Variants in MAML2 observed in about 807,000 individuals in gnomAD.
MAML2 encodes mastermind like transcriptional coactivator 2, also known as mastermind-like protein 2.
Under a neutral mutation model 96.1 loss-of-function variants are expected in MAML2, and 22 were observed. The ratio of observed to expected loss-of-function variants is 0.23; its 90% CI spans 0.16 to 0.33. The LOEUF is 0.33. Ranked by LOEUF, MAML2 falls within the 10% of genes least tolerant of loss-of-function variation. The probability of loss-of-function intolerance (pLI) is 1.00; values close to 1 mark genes in which losing one functional copy is unlikely to be tolerated. For missense variants in MAML2, 1,367 were observed against 1,392.4 expected, an observed-to-expected ratio of 0.98 and a Z score of 0.29; for synonymous variants, 561 against 521.3, an observed-to-expected ratio of 1.08 and a Z score of -1.04.
chr11:96,069,981 G>A (rs771276393), intron 2 of MAML2, among the ~76,000 whole-genome samples: 3 of 151,492 alleles, frequency 2.0e-5, no homozygotes, highest in Non-Finnish European at 2.9e-5. Flanking sequence ...CCAAGATCAC[G>A]CCACTGTACT....
intron 2 of MAML2, among the ~76,000 whole-genome samples, chr11:96,065,791 C>T (rs896879070): frequency 2.6e-5 from 4 of 152,132 alleles, no homozygotes; most frequent in Non-Finnish European, 5.9e-5. Flanking sequence ...GGATTTGAAC[C>T]AGAGCCCATC....
At chr11:96,329,053 T>C (rs1231457629) in intron 1 of MAML2, among the ~76,000 whole-genome samples, 2 of 152,180 alleles carry the variant, frequency 1.3e-5, no homozygotes, top group Admixed American at 1.3e-4. Flanking sequence ...AGTTAGTTCT[T>C]TAGTAAGAGG....
intron 2 of MAML2, among the ~76,000 whole-genome samples, chr11:96,007,018 T>C (rs1399906348): frequency 6.6e-6 from 1 of 151,698 alleles, no homozygotes; most frequent in East Asian, 1.9e-4. Flanking sequence ...TTTTATTATT[T>C]TTTTAGACAG....
At chr11:96,184,846 G>A (rs1861548048) in intron 1 of MAML2, among the ~76,000 whole-genome samples, 2 of 151,984 alleles carry the variant, frequency 1.3e-5, no homozygotes, top group Admixed American at 6.6e-5. Flanking sequence ...GTGAGACCTC[G>A]GCCTCCCAAA....
In MAML2 at chr11:96,092,922, G is replaced by C; in HGVS notation, c.1109C>G (p.Pro370Arg). 1 of 1,607,942 alleles carries C rather than the reference G, an allele frequency of 6.2e-7. No individual in the cohort carries two copies. The highest frequency in any genetic ancestry group is 8.5e-7 in the Non-Finnish European group (1 of 1,176,684). The change falls in exon 2 of 5, where the codon CCG (proline) becomes CGG (arginine). Residue 370 changes from proline (P) to arginine (R), a missense_variant. By Grantham distance (103) the Pro-to-Arg change is moderately radical. Transcript: ENST00000524717. The surrounding 1 kb of genome is among the most constrained non-coding windows in gnomAD (Gnocchi z 4.1). ...EKIVIKSEYS[P>R]GLTQGPSGSP... ...GCCTGAGGGGCCCTGAGTCAAGCCC[G>C]GTGAGTATTCACTTTTGATCACTAT...
intron 1 of MAML2, among the ~76,000 whole-genome samples, chr11:96,119,939 T>C (rs1860306717): frequency 6.6e-6 from 1 of 151,518 alleles, no homozygotes; most frequent in Admixed American, 6.6e-5. Flanking sequence ...GACAAATATA[T>C]ATTTGCGAGA....
In MAML2 at chr11:96,341,237, C is replaced by G. The variant is rs563417071; in HGVS notation, c.513+146G>C. ...TGATGAGTAGGCGCATGAAACCACC[C>G]GAACACACCCAATGGCCTTTAAGGT... On this transcript the variant is annotated intron_variant, in intron 1 of 4. Coordinates refer to ENST00000524717, the MANE Select transcript of MAML2 (RefSeq NM_032427.4). 655 of 910,546 alleles carry G rather than the reference C, an allele frequency of 7.2e-4. 9 individuals are homozygous for G. In the South Asian group the frequency reaches 0.011, roughly 16 times the overall value. The allele number at this position is 910,546 out of a possible 1,614,324, so 56.4% of individuals were successfully genotyped here.
chr11:96,158,188 A>C (rs959504979), intron 1 of MAML2, among the ~76,000 whole-genome samples: 1 of 152,242 alleles, frequency 6.6e-6, no homozygotes, highest in Non-Finnish European at 1.5e-5. Context: ...CAAGAGTCCT[A>C]TACACTCCAA....
At chr11:96,231,421 A>T (rs144203932) in intron 1 of MAML2, among the ~76,000 whole-genome samples, 1 of 152,200 alleles carries the variant, frequency 6.6e-6, no homozygotes, top group South Asian at 2.1e-4. Flanking sequence ...AGCCTACGCC[A>T]TTAAGGATTT....
chr11:96,219,181 T>C (rs1416644850), intron 1 of MAML2, among the ~76,000 whole-genome samples: 1 of 152,232 alleles, frequency 6.6e-6, no homozygotes, highest in Non-Finnish European at 1.5e-5. Flanking sequence ...CTTCACATAC[T>C]GGGCACTCAA....
At chr11:96,135,833 A>C in intron 1 of MAML2, among the ~76,000 whole-genome samples, 1 of 149,172 alleles carries the variant, frequency 6.7e-6, no homozygotes, top group Non-Finnish European at 1.5e-5. Context: ...ACTACACTCC[A>C]GCCTGGGCAA....
intron 1 of MAML2, among the ~76,000 whole-genome samples, chr11:96,191,458 C>A (rs1317939229): frequency 7.2e-6 from 1 of 138,284 alleles, no homozygotes; most frequent in Non-Finnish European, 1.5e-5. Context: ...GAGCGAGAAT[C>A]CGTCTCAAAA....
intron 1 of MAML2, among the ~76,000 whole-genome samples, chr11:96,335,261 C>T (rs192335442): frequency 5.3e-4 from 80 of 152,244 alleles, no homozygotes; most frequent in African/African-American, 1.8e-3. Context: ...GCTTTTCTCA[C>T]GAATTTTTGT....
intron 2 of MAML2, among the ~76,000 whole-genome samples, chr11:96,041,506 A>AGGAAGGAAG (rs138218841): frequency 4.2e-5 from 6 of 142,786 alleles, no homozygotes; most frequent in Admixed American, 7.2e-5. Context: ...AAGGAAGGAA[A>AGGAAGGAAG]GGAAGGAAGG....
chr11:96,187,015 T>C (rs1278989202), intron 1 of MAML2, among the ~76,000 whole-genome samples: 2 of 152,260 alleles, frequency 1.3e-5, no homozygotes, highest in Non-Finnish European at 2.9e-5. Flanking sequence ...AGAGGCTTCC[T>C]TGCTACTGAA....
At chr11:95,985,153 A>G (rs1003606861) in intron 4 of MAML2, among the ~76,000 whole-genome samples, 11 of 152,238 alleles carry the variant, frequency 7.2e-5, no homozygotes, top group Non-Finnish European at 1.5e-4. Flanking sequence ...AATGGTGGAT[A>G]CAAAAAGACT....
chr11:96,196,294 AT>A (rs1861730239), intron 1 of MAML2, among the ~76,000 whole-genome samples: 1 of 147,326 alleles, frequency 6.8e-6, no homozygotes. Flanking sequence ...GGTGATTTTC[AT>A]TTTAGGAAAG....
intron 1 of MAML2, among the ~76,000 whole-genome samples, chr11:96,100,735 C>CT (rs66593553): frequency 5.2e-4 from 71 of 136,152 alleles, no homozygotes; most frequent in East Asian, 3.6e-3. Context: ...GTCAAAATAG[C>CT]TTTTTTTTTT....
intron 1 of MAML2, among the ~76,000 whole-genome samples, chr11:96,257,421 A>C (rs1250720562): frequency 6.6e-6 from 1 of 152,226 alleles, no homozygotes; most frequent in Non-Finnish European, 1.5e-5. Context: ...ATATGAACTC[A>C]CTATATCTTG....
Sources: allele counts gnomAD v4.1 joint callset (sites outside exome capture counted in the v4.1 genomes callset), GRCh38; gene constraint gnomAD v4.1.1; non-coding constraint Gnocchi (gnomAD v3.1); transcripts MANE v1.5; gene names NCBI Gene and HGNC (gene_info 2026-07-23, HGNC 2026-07-21).